Variants in ST3GAL1 observed in about 807,000 individuals in gnomAD.
The protein encoded by ST3GAL1 is ST3 beta-galactoside alpha-2,3-sialyltransferase 1.
ST3GAL1 carries 16 observed loss-of-function variants against 34.1 expected under a neutral mutation model. The observed-to-expected ratio is 0.47, with a 90% CI of 0.32 to 0.71. ST3GAL1 has a LOEUF of 0.71. ST3GAL1 is among the 30% of genes least tolerant of loss of function. ST3GAL1 has a pLI of 0.04. For missense variants in ST3GAL1, 353 were observed against 447.4 expected (o/e 0.79, Z 1.90); for synonymous variants, 191 against 184.7 (o/e 1.03, Z -0.28).
intron 2 of ST3GAL1, among the ~76,000 whole-genome samples, chr8:133,530,017 G>C (rs754639736): frequency 6.6e-6 from 1 of 152,166 alleles, no homozygotes. Flanking sequence ...CTCCTTGACT[G>C]AACTGTAGGT....
chr8:133,459,863 C>A lies in ST3GAL1; in HGVS notation c.924G>T (p.Gly308=), dbSNP rs748973660. ...CGTGCACCCCCGTCTTGCGAAAAGC[C>A]CCCGCGGATGGGTTGTTCTCCCAGT... ...HHYWENNPSA[G]AFRKTGVHDA... The change falls in exon 10 of 10, where the codon GGG becomes GGT. Residue 308 remains glycine, a synonymous_variant. Coordinates refer to ENST00000522652, the MANE Select transcript of ST3GAL1 (RefSeq NM_173344.3). This position sits in a 1 kb window ranked among gnomAD's most constrained non-coding sequence, Gnocchi z 4.7. The A allele has an allele frequency of 6.2e-7, 1 of 1,614,122 alleles. No individual in the cohort carries two copies. Among genetic ancestry groups the A allele is most frequent in the Admixed American group, 1.7e-5 (1 of 60,016 alleles).
In ST3GAL1 at chr8:133,570,121, C is replaced by T. The variant is rs941694321; in HGVS notation, c.-582+1572G>A. 6.6e-6 allele frequency: 1 copy of T among 152,392 alleles called. No individual in the cohort carries two copies. The highest frequency in any genetic ancestry group is 1.5e-5 in the Non-Finnish European group (1 of 68,160). 9.4% of individuals were successfully genotyped at this position (152,392 alleles called of 1,614,324 possible). On this transcript the variant is annotated intron_variant, in intron 1 of 9. Coordinates refer to ENST00000522652, the MANE Select transcript of ST3GAL1 (RefSeq NM_173344.3). This position sits in a 1 kb window ranked among gnomAD's most constrained non-coding sequence, Gnocchi z 5.6. ...GGCTCCCCTCTCACCCCGTTTTCCT[C>T]GTTGGCGAGTCGGCCTCGCCTCCTC... is the stretch of plus-strand genomic sequence containing the variant.
At chr8:133,561,334 C>T (rs1029157288) in intron 1 of ST3GAL1, among the ~76,000 whole-genome samples, 7 of 152,078 alleles carry the variant, frequency 4.6e-5, no homozygotes, top group South Asian at 4.2e-4. Flanking sequence ...TACATGTCTC[C>T]GAGTGCCATG....
At chr8:133,557,574 G>A (rs576367147) in intron 1 of ST3GAL1, among the ~76,000 whole-genome samples, 23 of 152,200 alleles carry the variant, frequency 1.5e-4, no homozygotes, top group African/African-American at 3.1e-4. Context: ...TAAAGAGGCC[G>A]TGGTCTGACT....
chr8:133,471,845 G>A (rs992890380), intron 5 of ST3GAL1, among the ~76,000 whole-genome samples: 2 of 152,118 alleles, frequency 1.3e-5, no homozygotes, highest in African/African-American at 2.4e-5. Context: ...ACTGGGCATG[G>A]ATGTCTGGGA....
chr8:133,513,264 C>T (rs530398958), intron 2 of ST3GAL1, among the ~76,000 whole-genome samples: 12 of 152,282 alleles, frequency 7.9e-5, no homozygotes, highest in African/African-American at 2.9e-4. Flanking sequence ...TCTGCAGCAG[C>T]GCCCACTCTC....
chr8:133,525,653 T>A (rs1050717040), intron 2 of ST3GAL1, among the ~76,000 whole-genome samples: 3 of 152,054 alleles, frequency 2.0e-5, no homozygotes, highest in African/African-American at 4.8e-5. Context: ...CTGCCCTCAG[T>A]CTCCTCTTGG....
At chr8:133,552,362 A>G (rs776123698) in intron 1 of ST3GAL1, among the ~76,000 whole-genome samples, 1 of 152,240 alleles carries the variant, frequency 6.6e-6, no homozygotes, top group Non-Finnish European at 1.5e-5. Flanking sequence ...GAGCAGACAC[A>G]GAAGCTGAGT....
At chr8:133,538,825 G>T (rs535188373) in intron 2 of ST3GAL1, among the ~76,000 whole-genome samples, 1 of 152,306 alleles carries the variant, frequency 6.6e-6, no homozygotes, top group South Asian at 2.1e-4. Flanking sequence ...AAAGCAGTAG[G>T]CAGTGAGGAT....
intron 2 of ST3GAL1, among the ~76,000 whole-genome samples, chr8:133,513,110 A>T (rs1817540161): frequency 6.6e-6 from 1 of 152,180 alleles, no homozygotes; most frequent in Non-Finnish European, 1.5e-5. Context: ...GAACACGGTC[A>T]TCAATGTCAG....
At chr8:133,537,367 T>C (rs1056979284) in intron 2 of ST3GAL1, among the ~76,000 whole-genome samples, 1 of 152,086 alleles carries the variant, frequency 6.6e-6, no homozygotes, top group Non-Finnish European at 1.5e-5. Flanking sequence ...TAGGACCCTC[T>C]CTGGGGAGGA....
intron 3 of ST3GAL1, among the ~76,000 whole-genome samples, chr8:133,494,913 CTTTTTTTTT>C (rs34975583): frequency 3.0e-5 from 3 of 100,708 alleles, no homozygotes; most frequent in Admixed American, 1.2e-4. Context: ...TTCCTCTATT[CTTTTTTTTT>C]TTTTTTTTTT....
At chr8:133,519,751 A>C (rs750250612) in intron 2 of ST3GAL1, among the ~76,000 whole-genome samples, 2 of 150,440 alleles carry the variant, frequency 1.3e-5, no homozygotes, top group Non-Finnish European at 3.0e-5. Context: ...TTTGAGACCA[A>C]CCTGGCCAAC....
In ST3GAL1 at chr8:133,459,627, G is replaced by A; in HGVS notation, c.*137C>T. The A allele has an allele frequency of 8.8e-7, 1 of 1,131,818 alleles. No homozygotes were observed. The highest frequency in any genetic ancestry group is 1.2e-6 in the Non-Finnish European group (1 of 816,100). The allele number at this position is 1,131,818 out of a possible 1,614,324, so 70.1% of individuals were successfully genotyped here. On this transcript the variant is annotated 3_prime_UTR_variant, in exon 10 of 10. Coordinates refer to ENST00000522652, the MANE Select transcript of ST3GAL1 (RefSeq NM_173344.3). The surrounding 1 kb of genome is among the most constrained non-coding windows in gnomAD (Gnocchi z 4.7). ...GAGTAGATGCTGCCAACGGCTGGGT[G>A]CAAGAGGCTGTGAGCGGTGCCCAGG...
chr8:133,497,772 G>A (rs1182707825), intron 3 of ST3GAL1, among the ~76,000 whole-genome samples: 2 of 151,848 alleles, frequency 1.3e-5, no homozygotes, highest in Non-Finnish European at 2.9e-5. Flanking sequence ...CATGCCCAGC[G>A]GATTTTTCTT....
chr8:133,476,826 C>A lies in ST3GAL1; in HGVS notation c.-373-226G>T, dbSNP rs535852012. 5.9e-5 allele frequency among the ~76,000 whole-genome samples: 9 copies of A among 152,320 alleles called. No homozygotes were observed. In the South Asian group the frequency reaches 1.9e-3, roughly 32 times the overall value. On this transcript the variant is annotated intron_variant, in intron 3 of 9. Coordinates refer to ENST00000522652, the MANE Select transcript of ST3GAL1 (RefSeq NM_173344.3). ...GGTTATTATGGGATGCAGAAGGTGT[C>A]CCCTCCATGTTTCCAACAAGAACCT...
chr8:133,555,270 C>T (rs542676740), intron 1 of ST3GAL1, among the ~76,000 whole-genome samples: 2 of 152,282 alleles, frequency 1.3e-5, no homozygotes, highest in Non-Finnish European at 2.9e-5. Flanking sequence ...ATGGGAGGAA[C>T]AGCACGCTTC....
intron 2 of ST3GAL1, among the ~76,000 whole-genome samples, chr8:133,538,545 A>G (rs980364746): frequency 6.6e-6 from 1 of 152,192 alleles, no homozygotes; most frequent in Non-Finnish European, 1.5e-5. Flanking sequence ...AATAAAACCT[A>G]TTGAATGCAT....
chr8:133,544,752 T>C (rs1818630110), intron 2 of ST3GAL1, among the ~76,000 whole-genome samples: 3 of 152,214 alleles, frequency 2.0e-5, no homozygotes. Flanking sequence ...TGGAGTCACA[T>C]ACAGAGACCA....
Sources: allele counts gnomAD v4.1 joint callset (sites outside exome capture counted in the v4.1 genomes callset), GRCh38; gene constraint gnomAD v4.1.1; non-coding constraint Gnocchi (gnomAD v3.1); transcripts MANE v1.5; gene names NCBI Gene and HGNC (gene_info 2026-07-23, HGNC 2026-07-21).